Variants in SLC8A1 observed in about 807,000 individuals in gnomAD.
SLC8A1 encodes sodium/calcium exchanger 1.
Under a neutral mutation model 68.3 loss-of-function variants are expected in SLC8A1, and 18 were observed. The observed-to-expected ratio is 0.26, with a 90% CI of 0.18 to 0.39. The LOEUF is 0.39. SLC8A1 is among the 10% of genes least tolerant of loss of function. The pLI, the probability that SLC8A1 is intolerant of heterozygous loss-of-function variation, is 1.00. For synonymous variants in SLC8A1, 475 were observed against 415.5 expected (o/e 1.14, Z -1.74); for missense variants, 985 against 1,156.7 (o/e 0.85, Z 2.15).
intron 2 of SLC8A1, among the ~76,000 whole-genome samples, chr2:40,186,673 A>G (rs568276830): frequency 2.6e-5 from 4 of 152,312 alleles, no homozygotes; most frequent in South Asian, 2.1e-4. Flanking sequence ...CGAAATCTTG[A>G]GAGAATTAAT....
chr2:40,248,372 T>C (rs920948819), intron 2 of SLC8A1, among the ~76,000 whole-genome samples: 5 of 152,130 alleles, frequency 3.3e-5, no homozygotes, highest in Non-Finnish European at 7.3e-5. Context: ...AGGTCACTCT[T>C]AAGAGTGAGG....
chr2:40,334,850 C>T (rs1257419289), intron 2 of SLC8A1, among the ~76,000 whole-genome samples: 3 of 152,132 alleles, frequency 2.0e-5, no homozygotes, highest in East Asian at 1.9e-4. Flanking sequence ...GGCCATACTG[C>T]TCTCATTCTC....
chr2:40,298,387 C>T (rs567648714), intron 2 of SLC8A1, among the ~76,000 whole-genome samples: 6 of 152,130 alleles, frequency 3.9e-5, no homozygotes, highest in Non-Finnish European at 5.9e-5. Flanking sequence ...ATTGGAAAAC[C>T]GGGTATACTT....
chr2:40,454,595 A>G (rs1395230016), upstream of SLC8A1, among the ~76,000 whole-genome samples: 5 of 150,740 alleles, frequency 3.3e-5, no homozygotes, highest in East Asian at 9.8e-4. Flanking sequence ...GATTCTTGGG[A>G]AAAAAACAAT....
intron 2 of SLC8A1, chr2:40,208,935 G>A (rs1434151834): frequency 2.0e-5 from 3 of 152,066 alleles, no homozygotes; most frequent in Non-Finnish European, 4.4e-5. Flanking sequence ...TAGTCCAGAT[G>A]TCAGACATCA....
intron 7 of SLC8A1, among the ~76,000 whole-genome samples, chr2:40,125,863 C>G (rs149720537): frequency 2.0e-5 from 3 of 152,290 alleles, no homozygotes; most frequent in East Asian, 3.9e-4. Context: ...GGACGTAGGA[C>G]AGTTTCTTGT....
At chr2:40,273,783 C>T (rs1278393662) in intron 2 of SLC8A1, among the ~76,000 whole-genome samples, 2 of 151,908 alleles carry the variant, frequency 1.3e-5, no homozygotes, top group African/African-American at 4.8e-5. Flanking sequence ...GTGAAACTCC[C>T]GATAAGGCAC....
intron 2 of SLC8A1, among the ~76,000 whole-genome samples, chr2:40,271,076 A>G (rs1425895071): frequency 6.6e-6 from 1 of 152,148 alleles, no homozygotes; most frequent in African/African-American, 2.4e-5. Flanking sequence ...TCCACACAGT[A>G]GCCAGAGTTA....
chr2:40,463,346 G>A (rs1247224552), intron 1 of SLC8A1, among the ~76,000 whole-genome samples: 8 of 152,152 alleles, frequency 5.3e-5, no homozygotes, highest in Non-Finnish European at 7.4e-5. Flanking sequence ...GGGTGTCAGC[G>A]GCGGCTGCAA....
intron 2 of SLC8A1, among the ~76,000 whole-genome samples, chr2:40,238,386 C>T (rs2060725300): frequency 6.6e-6 from 1 of 152,178 alleles, no homozygotes; most frequent in Admixed American, 6.5e-5. Context: ...TGTCCGTCAC[C>T]CCTTTCTTTG....
intron 4 of SLC8A1, among the ~76,000 whole-genome samples, chr2:40,166,622 G>A (rs1271049913): frequency 4.6e-5 from 7 of 152,210 alleles, no homozygotes; most frequent in Non-Finnish European, 1.0e-4. Context: ...GGAAGGCAAA[G>A]AGTTCTGGTT....
intron 2 of SLC8A1, among the ~76,000 whole-genome samples, chr2:40,230,207 G>A (rs563322646): frequency 6.6e-6 from 1 of 152,120 alleles, no homozygotes; most frequent in African/African-American, 2.4e-5. Context: ...AACATTACAG[G>A]TTACTCTAAA....
chr2:40,116,830 T>C (rs1393822920), intron 7 of SLC8A1: 2 of 152,230 alleles, frequency 1.3e-5, no homozygotes, highest in African/African-American at 2.4e-5. Flanking sequence ...TAGGAAAATC[T>C]TGGTCCACTA....
At chr2:40,386,905 G>T (rs907705407) in intron 2 of SLC8A1, among the ~76,000 whole-genome samples, 1 of 151,232 alleles carries the variant, frequency 6.6e-6, no homozygotes, top group Admixed American at 6.6e-5. Context: ...TCTTCAGTAT[G>T]TGGTGGTTCT....
rs549363581 is a variant in SLC8A1, at chr2:40,261,134, T to C, written c.1809-83279A>G. Among the ~76,000 whole-genome samples the C allele has an allele frequency of 5.3e-5, 8 of 152,288 alleles. No homozygotes were observed. In the South Asian group the frequency reaches 1.2e-3, roughly 24 times the overall value. On this transcript the variant is annotated intron_variant, in intron 2 of 7. Transcript: ENST00000406785. The stretch of plus-strand genomic sequence containing the variant: ...TCCTGACTATGAGAATCTTCTGTAG[T>C]AGAAAGGCAGGTCATTCTATCACAC...
exon 2 of SLC8A1, chr2:40,429,067 G>A (rs777895681): frequency 2.5e-6 from 4 of 1,611,830 alleles, no homozygotes; most frequent in South Asian, 1.1e-5. Flanking sequence ...CTTACTAACA[G>A]GGTCATTTTC....
At chr2:40,490,841 A>G (rs1705267997) in intron 1 of SLC8A1, among the ~76,000 whole-genome samples, 1 of 152,138 alleles carries the variant, frequency 6.6e-6, no homozygotes, top group Admixed American at 6.6e-5. Context: ...CATACGGGAA[A>G]AGATGCTGAT....
At chr2:40,307,468 T>C (rs1456618292) in intron 2 of SLC8A1, among the ~76,000 whole-genome samples, 3 of 152,212 alleles carry the variant, frequency 2.0e-5, no homozygotes, top group Non-Finnish European at 4.4e-5. Context: ...TCCGCAATGA[T>C]GTGAATATAC....
chr2:40,370,857 G>T (rs1045072743), intron 2 of SLC8A1, among the ~76,000 whole-genome samples: 1 of 151,932 alleles, frequency 6.6e-6, no homozygotes, highest in Non-Finnish European at 1.5e-5. Flanking sequence ...AAGGTTTATT[G>T]AAGTAACTGG....
Sources: allele counts gnomAD v4.1 joint callset (sites outside exome capture counted in the v4.1 genomes callset), GRCh38; gene constraint gnomAD v4.1.1; transcripts MANE v1.5; gene names NCBI Gene and HGNC (gene_info 2026-07-23, HGNC 2026-07-21).